Variants in ANK3 observed in about 807,000 individuals in gnomAD.
ANK3 encodes ankyrin-3.
Under a neutral mutation model 370.9 loss-of-function variants are expected in ANK3, and 57 were observed. That is an observed-to-expected ratio of 0.15 (90% confidence interval 0.12 to 0.19). ANK3 has a LOEUF of 0.19. Ranked by LOEUF, ANK3 falls within the 10% of genes least tolerant of loss-of-function variation. The probability of loss-of-function intolerance (pLI) is 1.00; values close to 1 mark genes in which losing one functional copy is unlikely to be tolerated. For synonymous variants in ANK3, 1,929 were observed against 1,946.3 expected (o/e 0.99, Z 0.23); for missense variants, 4,439 against 5,302.1 (o/e 0.84, Z 5.06).
At chr10:60,042,940 A>G (rs2076368559) in intron 42 of ANK3, 181 bp from the exon 43 acceptor site, 1 of 1,396,750 alleles carries the variant, frequency 7.2e-7, no homozygotes, top group East Asian at 2.7e-5. Context: ...TCATCAAGCA[A>G]GCTAGAGAGC....
At chr10:60,387,076 T>C (rs541094821) in intron 1 of ANK3, among the ~76,000 whole-genome samples, 1 of 152,028 alleles carries the variant, frequency 6.6e-6, no homozygotes, top group Admixed American at 6.5e-5. Flanking sequence ...AGGAGAATCA[T>C]TTGAAGCCAG....
At chr10:60,151,571 G>C (rs879753321) in intron 23 of ANK3, among the ~76,000 whole-genome samples, 2 of 147,834 alleles carry the variant, frequency 1.4e-5, no homozygotes, top group Non-Finnish European at 3.0e-5. Flanking sequence ...GGCAAGGACA[G>C]ATACAATGCA....
chr10:60,158,762 G>A (rs2095422086), intron 23 of ANK3, among the ~76,000 whole-genome samples: 1 of 140,278 alleles, frequency 7.1e-6, no homozygotes, highest in Admixed American at 7.8e-5. Context: ...TGCAATCTCC[G>A]CCTTCCAGGT....
In ANK3 at chr10:60,576,042, C is replaced by T. The variant is rs144063679; in HGVS notation, c.96+39144G>A. ...AAAATGTTAAATGTTAACTACTTTG[C>T]GGCGGTAATCTCTTTTCCACCCAAA... On this transcript the variant is annotated intron_variant, in intron 2 of 43. Transcript: ENST00000373827. Among the ~76,000 whole-genome samples, 359 of 152,212 alleles carry T rather than the reference C, an allele frequency of 2.4e-3. 6 individuals carry two copies. The highest frequency in any genetic ancestry group is 0.017 in the Admixed American group (261 of 15,282).
At chr10:60,430,646 G>GT (rs964784592) in intron 2 of ANK3, among the ~76,000 whole-genome samples, 32 of 152,056 alleles carry the variant, frequency 2.1e-4, no homozygotes, top group African/African-American at 7.0e-4. Context: ...TATTACTGCT[G>GT]TTTTTTACCC....
chr10:60,330,300 A>G (rs1329504074), intron 1 of ANK3, among the ~76,000 whole-genome samples: 1 of 152,264 alleles, frequency 6.6e-6, no homozygotes, highest in African/African-American at 2.4e-5. Context: ...ATTAAACTAA[A>G]GAGCTTCTGC....
At chr10:60,373,568 GGAAT>G (rs777761721) in intron 1 of ANK3, among the ~76,000 whole-genome samples, 70 of 152,080 alleles carry the variant, frequency 4.6e-4, no homozygotes, top group Non-Finnish European at 8.4e-4. Flanking sequence ...AATTTAGGTA[GGAAT>G]AAAGCCTATT....
chr10:60,552,835 G>C (rs2077118591), intron 2 of ANK3, among the ~76,000 whole-genome samples: 1 of 152,128 alleles, frequency 6.6e-6, no homozygotes, highest in African/African-American at 2.4e-5. Context: ...TTGAATCATG[G>C]GGGTGGGTCT....
chr10:60,445,703 A>T (rs2133023143), intron 2 of ANK3, among the ~76,000 whole-genome samples: 1 of 152,324 alleles, frequency 6.6e-6, no homozygotes, highest in East Asian at 1.9e-4. Context: ...GGTAACTCCC[A>T]ATCAGAATGG....
chr10:60,450,577 A>T (rs1180340981), intron 2 of ANK3, among the ~76,000 whole-genome samples: 1 of 152,176 alleles, frequency 6.6e-6, no homozygotes, highest in East Asian at 1.9e-4. Flanking sequence ...AGTAAAGTAG[A>T]AGAATGAGTC....
rs1292418159 is a variant in ANK3 at position 60,642,475 on chromosome 10, C to G, written c.58-27251G>C. Among the ~76,000 whole-genome samples the G allele has an allele frequency of 2.6e-5, 4 of 152,190 alleles. No individual in the cohort carries two copies. In the South Asian group the frequency reaches 6.2e-4, roughly 24 times the overall value. Reference sequence around the variant, plus strand: ...CTATAAGAAATGATGAGTTCATGTCCTTTGTAGGGACATGGATGAAATTGG... The same window carrying G: ...CTATAAGAAATGATGAGTTCATGTCGTTTGTAGGGACATGGATGAAATTGG... On this transcript the variant is annotated intron_variant, in intron 1 of 43. Transcript: ENST00000373827.
intron 4 of ANK3, among the ~76,000 whole-genome samples, chr10:60,278,316 ATC>A (rs936013186): frequency 2.6e-5 from 4 of 152,138 alleles, no homozygotes; most frequent in Non-Finnish European, 5.9e-5. Context: ...CGCTTTAAAA[ATC>A]TCTCTCTCAC....
intron 1 of ANK3, among the ~76,000 whole-genome samples, chr10:60,336,093 G>C (rs972404): frequency 0.69 from 102,879 of 149,736 alleles, 36,540 homozygotes; most frequent in South Asian, 0.91. Flanking sequence ...AGTTTGGCGG[G>C]GGGGGGAAGC....
chr10:60,507,523 A>G (rs928855597), intron 2 of ANK3: 1 of 152,088 alleles, frequency 6.6e-6, no homozygotes, highest in African/African-American at 2.4e-5. Flanking sequence ...ACACTTAGGC[A>G]TATTTCAACA....
At chr10:60,081,072 CT>C (rs898340431) in intron 35 of ANK3, among the ~76,000 whole-genome samples, 1 of 151,112 alleles carries the variant, frequency 6.6e-6, no homozygotes, top group Non-Finnish European at 1.5e-5. Context: ...GTTAGAAGTA[CT>C]TTTTTTTTGG....
intron 25 of ANK3, among the ~76,000 whole-genome samples, chr10:60,116,001 CAG>C (rs1421389375): frequency 6.6e-6 from 1 of 152,060 alleles, no homozygotes; most frequent in Non-Finnish European, 1.5e-5. Flanking sequence ...ACAGAAAGGA[CAG>C]AGAGAATAAG....
chr10:60,219,102 TTC>T (rs1490939299), intron 8 of ANK3, among the ~76,000 whole-genome samples: 2 of 151,976 alleles, frequency 1.3e-5, no homozygotes, highest in East Asian at 1.9e-4. Context: ...CTTCATGAAG[TTC>T]TCACGCTGTG....
intron 1 of ANK3, among the ~76,000 whole-genome samples, chr10:60,375,942 A>C (rs1309179264): frequency 2.0e-5 from 3 of 152,162 alleles, no homozygotes. Flanking sequence ...AAGTGGGAGG[A>C]ATTAACATTT....
chr10:60,471,529 A>G (rs2065218902), intron 2 of ANK3, among the ~76,000 whole-genome samples: 1 of 152,108 alleles, frequency 6.6e-6, no homozygotes, highest in Admixed American at 6.6e-5. Context: ...CCTTATAGGA[A>G]GACAAAGCTG....
Sources: gnomAD v4.1 joint callset for allele counts (sites outside exome capture counted in the v4.1 genomes callset) on GRCh38, gnomAD v4.1.1 for gene constraint, MANE v1.5 for transcripts, NCBI Gene and HGNC (gene_info 2026-07-23, HGNC 2026-07-21) for gene names.